Variants in PCDHGA4 observed in about 807,000 individuals in gnomAD.
PCDHGA4 encodes protocadherin gamma subfamily A, 4.
PCDHGA4 carries 38 observed loss-of-function variants against 54.6 expected under a neutral mutation model. That is an observed-to-expected ratio of 0.70 (90% CI 0.54 to 0.91). PCDHGA4 has a LOEUF of 0.91. Among genes scored for constraint, PCDHGA4 ranks in the 40% least tolerant of loss-of-function variants. PCDHGA4 has a pLI of 0.00. For synonymous variants in PCDHGA4, 511 were observed against 512.9 expected, an observed-to-expected ratio of 1.00 and a Z score of 0.05; for missense variants, 1,298 against 1,220.9, an observed-to-expected ratio of 1.06 and a Z score of -0.94.
intron 2 of PCDHGA4, among the ~76,000 whole-genome samples, chr5:141,501,052 A>G (rs1007055288): frequency 6.6e-6 from 1 of 151,988 alleles, no homozygotes; most frequent in Non-Finnish European, 1.5e-5. Flanking sequence ...TATTTTTAGT[A>G]GAGACGGGGT....
chr5:141,435,760 T>C (rs1241767830), intron 1 of PCDHGA4, among the ~76,000 whole-genome samples: 1 of 152,172 alleles, frequency 6.6e-6, no homozygotes, highest in Non-Finnish European at 1.5e-5. Context: ...TTGATTTCTT[T>C]TGGTGAATTC....
chr5:141,462,336 T>C (rs2099037439), intron 1 of PCDHGA4, among the ~76,000 whole-genome samples: 1 of 152,238 alleles, frequency 6.6e-6, no homozygotes, highest in African/African-American at 2.4e-5. Flanking sequence ...TTTAATTGTA[T>C]TGTGATCCAA....
rs57426385 is a variant in PCDHGA4, at chr5:141,415,740, G to GTTTTTTTTTTTT, written c.2514+58140_2514+58151dup. 137 of 625,016 alleles carry GTTTTTTTTTTTT rather than the reference G, an allele frequency of 2.2e-4. 2 individuals carry two copies. The highest frequency in any genetic ancestry group is 3.5e-4 in the Admixed American group (5 of 14,120). The allele number at this position is 625,016 out of a possible 1,614,324, so 38.7% of individuals were successfully genotyped here. On this transcript the variant is annotated intron_variant, in intron 1 of 3. Coordinates refer to ENST00000571252, the MANE Select transcript of PCDHGA4 (RefSeq NM_018917.4). ...TGAGTAGAATTTGATGTTTATTAAG[G>GTTTTTTTTTTTT]TTTTTTTTTTTTTTTTTTTTTTTTT... is the stretch of plus-strand genomic sequence containing the variant.
In PCDHGA4 at chr5:141,355,058, T is replaced by C. The variant is rs1759702915; in HGVS notation, c.-50T>C. ...TTTCTGCAGCACAAAGCACTGGCTC[T>C]GGAGCTTTATGAAAGCTTCAAGCGG... On this transcript the variant is annotated 5_prime_UTR_variant, in exon 1 of 4. Transcript: ENST00000571252. The C allele has an allele frequency of 1.6e-6, 2 of 1,271,556 alleles. No individual in the cohort carries two copies. The highest frequency in any genetic ancestry group is 1.1e-6 in the Non-Finnish European group (1 of 940,600). 78.8% of individuals were successfully genotyped at this position (1,271,556 alleles called of 1,614,324 possible). A position where few individuals can be genotyped will look rare whatever the true frequency, so the allele number is the denominator to read the frequency against.
chr5:141,361,069 G>C, intron 1 of PCDHGA4: 1 of 1,613,910 alleles, frequency 6.2e-7, no homozygotes, highest in Non-Finnish European at 8.5e-7. Flanking sequence ...TTTTGAGATT[G>C]CAAGTAGTTA....
intron 1 of PCDHGA4, chr5:141,384,982 G>A: frequency 6.2e-7 from 1 of 1,614,144 alleles, no homozygotes; most frequent in South Asian, 1.1e-5. Context: ...GTACCTGGTG[G>A]TGGCGGTGGC....
rs377701820 is a variant in PCDHGA4 at position 141,422,031 on chromosome 5, G to A, written c.2514+64410G>A. On this transcript the variant is annotated intron_variant, in intron 1 of 3. Coordinates refer to ENST00000571252, the MANE Select transcript of PCDHGA4 (RefSeq NM_018917.4). ...CTCGGGTGCTGATGGTTAATGCAAC[G>A]GATCCAGACGAGGGAATCAACGGGG... 127 of 1,610,494 alleles carry A rather than the reference G, an allele frequency of 7.9e-5. No individual in the cohort carries two copies. In the East Asian group the frequency reaches 2.4e-3, roughly 31 times the overall value.
At chr5:141,361,499 C>A (rs1762048821) in intron 1 of PCDHGA4, 2 of 1,614,066 alleles carry the variant, frequency 1.2e-6, no homozygotes, top group Non-Finnish European at 1.7e-6. Flanking sequence ...TTCCAACAGA[C>A]TTCCTACATG....
At chr5:141,367,544 A>G (rs976258516) in intron 1 of PCDHGA4, 78 of 146,054 alleles carry the variant, frequency 5.3e-4, no homozygotes, top group African/African-American at 1.8e-3. Context: ...CTCAAAATAA[A>G]TAAATAAATA....
intron 1 of PCDHGA4, chr5:141,430,641 T>G: frequency 1.1e-6 from 1 of 902,670 alleles, no homozygotes. Context: ...TCCCTGGGAG[T>G]ATGTGGAAAC....
In PCDHGA4 at chr5:141,409,436, C is replaced by T. The variant is rs368696166; in HGVS notation, c.2514+51815C>T. Reference sequence around the variant, plus strand: ...ACTGGTGACAGATGGAGCCCTGGACCGAGAGCAGACACCAGAATACAATGT... The same window carrying T: ...ACTGGTGACAGATGGAGCCCTGGACTGAGAGCAGACACCAGAATACAATGT... On this transcript the variant is annotated intron_variant, in intron 1 of 3. Transcript: ENST00000571252. 6 of 1,613,864 alleles carry T rather than the reference C, an allele frequency of 3.7e-6. 1 individual carries two copies. The highest frequency in any genetic ancestry group is 5.1e-6 in the Non-Finnish European group (6 of 1,179,900).
intron 1 of PCDHGA4, chr5:141,384,915 G>C (rs1460379128): frequency 1.2e-6 from 2 of 1,613,914 alleles, no homozygotes; most frequent in Non-Finnish European, 1.7e-6. Context: ...CCGAAGTCTT[G>C]GCCGACCTGG....
intron 1 of PCDHGA4, among the ~76,000 whole-genome samples, chr5:141,430,101 G>C (rs918427744): frequency 6.6e-6 from 1 of 152,036 alleles, no homozygotes; most frequent in African/African-American, 2.4e-5. Context: ...ATTTTTAAGC[G>C]TTACATGTCA....
chr5:141,403,088 G>C (rs1561685667), intron 1 of PCDHGA4: 2 of 1,614,030 alleles, frequency 1.2e-6, no homozygotes, highest in Non-Finnish European at 1.7e-6. Context: ...CTATATTGTG[G>C]GCAACATCTC....
At chr5:141,398,864 T>A (rs1399067876) in intron 1 of PCDHGA4, 1 of 1,613,768 alleles carries the variant, frequency 6.2e-7, no homozygotes, top group Non-Finnish European at 8.5e-7. Context: ...AACCGAGACG[T>A]GTACAGAGTC....
Position 141,497,143 on chromosome 5 carries a change from G to GA in PCDHGA4, c.2573+2287dup, listed in dbSNP as rs928640875. ...AGAGGTTGCAGTGAGCTGAGATCAC[G>GA]AAAAAAAAATAATCTAGCCACAAAT... On this transcript the variant is annotated intron_variant, in intron 2 of 3. Coordinates refer to ENST00000571252, the MANE Select transcript of PCDHGA4 (RefSeq NM_018917.4). 1.3e-3 allele frequency among the ~76,000 whole-genome samples: 194 copies of GA among 150,104 alleles called. 4 individuals are homozygous for GA. The highest frequency in any genetic ancestry group is 7.6e-3 in the Admixed American group (115 of 15,100).
chr5:141,508,994 A>G (rs2099873731), intron 3 of PCDHGA4, among the ~76,000 whole-genome samples: 1 of 152,052 alleles, frequency 6.6e-6, no homozygotes, highest in South Asian at 2.1e-4. Flanking sequence ...CAGCTGGGGT[A>G]GGAGAGGAGG....
chr5:141,506,304 C>A (rs569926873), intron 3 of PCDHGA4, among the ~76,000 whole-genome samples: 3 of 152,078 alleles, frequency 2.0e-5, no homozygotes, highest in Non-Finnish European at 4.4e-5. Context: ...CAAAAATTAG[C>A]TGGGCATGGT....
chr5:141,497,812 T>C (rs947015544), intron 2 of PCDHGA4, among the ~76,000 whole-genome samples: 2 of 152,202 alleles, frequency 1.3e-5, no homozygotes, highest in African/African-American at 4.8e-5. Flanking sequence ...AGTGCTAGAA[T>C]TACAGGTGTG....
Sources: allele counts gnomAD v4.1 joint callset (sites outside exome capture counted in the v4.1 genomes callset), GRCh38; gene constraint gnomAD v4.1.1; transcripts MANE v1.5; gene names NCBI Gene and HGNC (gene_info 2026-07-23, HGNC 2026-07-21).